CBLC: variants seen among roughly 807,000 people sequenced by gnomAD.
CBLC encodes the protein Cbl proto-oncogene C.
Under a neutral mutation model 58.6 loss-of-function variants are expected in CBLC, and 46 were observed. That is an observed-to-expected ratio of 0.79 (90% CI 0.62 to 1.00). The LOEUF (loss-of-function observed/expected upper bound fraction) is 1.00, where lower values mean the gene tolerates loss of function less well. Ranked by LOEUF, CBLC falls within the 50% of genes least tolerant of loss-of-function variation. CBLC has a pLI of 0.00. For missense variants in CBLC, 655 were observed against 625.8 expected, an observed-to-expected ratio of 1.05 and a Z score of -0.50; for synonymous variants, 271 against 264.2, an observed-to-expected ratio of 1.03 and a Z score of -0.25.
chr19:44,795,224 T>G (rs1484966148), intron 9 of CBLC, among the ~76,000 whole-genome samples: 7 of 150,138 alleles, frequency 4.7e-5, no homozygotes, highest in Non-Finnish European at 1.0e-4. Flanking sequence ...CCCAAAGTGC[T>G]GGGATTACAG....
Position 44,790,043 on chromosome 19 carries a change from G to A in CBLC, c.957G>A (p.Leu319=), listed in dbSNP as rs1968006340. Residue 319 remains leucine, a synonymous_variant, in exon 6 of 11, where the codon CTG becomes CTA. Transcript: ENST00000647358. ...ATGGAAAGACCCACAACCCAGACCT[G>A]ACTGAGCTCGGCCAGGCAGAACCCC... is the stretch of plus-strand genomic sequence containing the variant. ...YPDGKTHNPD[L]TELGQAEPQQ... is the part of the protein sequence containing the mutation. 4 of 1,613,778 alleles carry A rather than the reference G, an allele frequency of 2.5e-6. No individual in the cohort carries two copies.
intron 6 of CBLC, 57 bp downstream of exon 6, chr19:44,790,148 T>C: frequency 7.3e-7 from 1 of 1,363,494 alleles, no homozygotes; most frequent in Non-Finnish European, 1.1e-6. Context: ...ACCCCCACGT[T>C]GCCTTGGCTC....
intron 6 of CBLC, among the ~76,000 whole-genome samples, chr19:44,791,648 G>A (rs1968052591): frequency 6.6e-6 from 1 of 150,974 alleles, no homozygotes; most frequent in African/African-American, 2.4e-5. Flanking sequence ...CACAAGAATC[G>A]CTTGAACCTG....
rs1201149125 is a variant in CBLC at position 44,790,040 on chromosome 19, C to T, written c.954C>T (p.Asp318=). 1 of 1,613,920 alleles carries T rather than the reference C, an allele frequency of 6.2e-7. No homozygotes were observed. The highest frequency in any genetic ancestry group is 8.5e-7 in the Non-Finnish European group (1 of 1,179,996). ...LYPDGKTHNP[D]LTELGQAEPQ... ...CAGATGGAAAGACCCACAACCCAGA[C>T]CTGACTGAGCTCGGCCAGGCAGAAC... Residue 318 remains aspartate, a synonymous_variant, in exon 6 of 11, where the codon GAC becomes GAT. Coordinates refer to ENST00000647358, the MANE Select transcript of CBLC (RefSeq NM_012116.4).
At chr19:44,785,317 G>T (rs1285254720) in intron 5 of CBLC, among the ~76,000 whole-genome samples, 1 of 151,890 alleles carries the variant, frequency 6.6e-6, no homozygotes, top group Non-Finnish European at 1.5e-5. Context: ...GCCATGCCAG[G>T]CTGGTCTCAA....
rs376098818 is a variant in CBLC, at chr19:44,798,436, G to A, written c.1363-1945G>A. On this transcript the variant is annotated intron_variant, in intron 9 of 10. Coordinates refer to ENST00000647358, the MANE Select transcript of CBLC (RefSeq NM_012116.4). Reference sequence around the variant, plus strand: ...CAGAAATCTCCACTGGCAGCCAAGCGCGGTGGCTCACACGTGTAATCTCAG... The same window carrying A: ...CAGAAATCTCCACTGGCAGCCAAGCACGGTGGCTCACACGTGTAATCTCAG... Among the ~76,000 whole-genome samples the A allele has an allele frequency of 1.8e-4, 27 of 152,190 alleles. No homozygotes were observed. In the East Asian group the frequency reaches 3.1e-3, roughly 17 times the overall value.
At chr19:44,791,594 A>G (rs1215695989) in intron 6 of CBLC, among the ~76,000 whole-genome samples, 2 of 152,020 alleles carry the variant, frequency 1.3e-5, no homozygotes, top group East Asian at 1.9e-4. Context: ...TTAGCCAGGT[A>G]TGGTGGCTTA....
intron 6 of CBLC, among the ~76,000 whole-genome samples, chr19:44,791,154 A>G (rs1165800434): frequency 1.3e-5 from 2 of 151,748 alleles, no homozygotes; most frequent in African/African-American, 4.8e-5. Context: ...AGAAATTCAA[A>G]TTTAGGTTAG....
chr19:44,782,937 CCAAGAG>C, intron 4 of CBLC, among the ~76,000 whole-genome samples: 1 of 152,090 alleles, frequency 6.6e-6, no homozygotes, highest in African/African-American at 2.4e-5. Flanking sequence ...TGTCTAGATA[CCAAGAG>C]AAGAGAAGGT....
chr19:44,780,882 A>G, intron 1 of CBLC, 23 bp from the exon 2 acceptor site: 2 of 1,607,398 alleles, frequency 1.2e-6, no homozygotes, highest in Middle Eastern at 1.7e-4. Flanking sequence ...AAGGATAGCC[A>G]GAGTCCTTGC....
intron 6 of CBLC, 124 bp from the exon 7 acceptor site, chr19:44,792,259 C>G (rs1338314807): frequency 1.9e-6 from 2 of 1,028,686 alleles, no homozygotes; most frequent in East Asian, 2.5e-5. Flanking sequence ...CTCCAAAGTG[C>G]TGGGATTACA....
chr19:44,794,300 T>C lies in CBLC; in HGVS notation c.1362+19T>C. Reference sequence around the variant, plus strand: ...GAAAGTGGTGAGTCAGGCGCTGGTCTGAGGTTGGGGGCTGGGGTCTCACTC... The same window carrying C: ...GAAAGTGGTGAGTCAGGCGCTGGTCCGAGGTTGGGGGCTGGGGTCTCACTC... On this transcript the variant is annotated intron_variant, in intron 9 of 10. Transcript: ENST00000647358. 3.1e-6 allele frequency: 5 copies of C among 1,611,032 alleles called. No individual in the cohort carries two copies. The highest frequency in any genetic ancestry group is 4.2e-6 in the Non-Finnish European group (5 of 1,178,300).
intron 4 of CBLC, among the ~76,000 whole-genome samples, chr19:44,784,004 G>C (rs973634173): frequency 6.6e-6 from 1 of 152,178 alleles, no homozygotes; most frequent in Non-Finnish European, 1.5e-5. Context: ...CCCCAGCCTT[G>C]TTTAAACTCC....
At chr19:44,796,494 C>T (rs191180940) in intron 9 of CBLC, among the ~76,000 whole-genome samples, 79 of 152,172 alleles carry the variant, frequency 5.2e-4, no homozygotes, top group Middle Eastern at 6.8e-3. Context: ...AGCTAATTCT[C>T]CTGCCTCAGC....
At chr19:44,792,175 G>T (rs1008809840) in intron 6 of CBLC, among the ~76,000 whole-genome samples, 1 of 151,530 alleles carries the variant, frequency 6.6e-6, no homozygotes, top group African/African-American at 2.4e-5. Context: ...TGTATTTTTA[G>T]TAGAGACGGG....
chr19:44,778,234 G>C lies in CBLC; in HGVS notation c.303G>C (p.Arg101=). The change falls in exon 1 of 11, where the codon CGG becomes CGC. Residue 101 remains arginine (R), a synonymous_variant. Coordinates refer to ENST00000647358, the MANE Select transcript of CBLC (RefSeq NM_012116.4). ...AGGTGGCCGCGCTGCTGCCTCCCCG[G>C]GGCCGAAGGAGTGCCAACGACGAGC... ...SRQVAALLPP[R]GRRSANDELF... is the part of the protein sequence containing the mutation. 2.1e-6 allele frequency: 3 copies of C among 1,459,886 alleles called. No individual in the cohort carries two copies. Among genetic ancestry groups the C allele is most frequent in the Non-Finnish European group, 2.7e-6 (3 of 1,107,922 alleles). 90.4% of individuals were successfully genotyped at this position (1,459,886 alleles called of 1,614,324 possible). A position where few individuals can be genotyped will look rare whatever the true frequency, so the allele number is the denominator to read the frequency against.
chr19:44,778,082 A>C lies in CBLC; in HGVS notation c.151A>C (p.Thr51Pro). The C allele has an allele frequency of 6.2e-7, 1 of 1,607,774 alleles. No homozygotes were observed. The highest frequency in any genetic ancestry group is 8.5e-7 in the Non-Finnish European group (1 of 1,179,398). ...PPSLRDLLPR[T>P]AQLLREVAHS... ...TTCGCTGCGGGACCTGCTGCCCCGC[A>C]CAGCGCAGCTGCTTCGAGAGGTGGC... is the stretch of plus-strand genomic sequence containing the variant. The change falls in exon 1 of 11, where the codon ACA becomes CCA. Residue 51 changes from threonine (T) to proline (P), a missense_variant. Thr to Pro is a conservative substitution (Grantham distance 38). Coordinates refer to ENST00000647358, the MANE Select transcript of CBLC (RefSeq NM_012116.4).
At chr19:44,793,753 T>A in intron 8 of CBLC, 133 bp downstream of exon 8, 2 of 848,744 alleles carry the variant, frequency 2.4e-6, no homozygotes, top group Non-Finnish European at 3.6e-6. Context: ...GAAGAGGGGT[T>A]GGAGCCTGTA....
chr19:44,781,590 G>C (rs1967739459), intron 3 of CBLC, among the ~76,000 whole-genome samples: 1 of 142,826 alleles, frequency 7.0e-6, no homozygotes, highest in Non-Finnish European at 1.5e-5. Context: ...TGGGTCTGAG[G>C]GAGGAGGGGG....
Sources: allele counts gnomAD v4.1 joint callset (sites outside exome capture counted in the v4.1 genomes callset), GRCh38; gene constraint gnomAD v4.1.1; transcripts MANE v1.5; gene names NCBI Gene and HGNC (gene_info 2026-07-23, HGNC 2026-07-21).